Variants in ARID2 observed in about 807,000 individuals in gnomAD.
ARID2 encodes the protein AT-rich interaction domain 2.
In ARID2, 32 loss-of-function variants were observed where a neutral mutation model predicts 184.6. The observed-to-expected ratio is 0.17, with a 90% confidence interval of 0.13 to 0.23. ARID2 has a LOEUF of 0.23. ARID2 is among the 10% of genes least tolerant of loss of function. ARID2 has a pLI of 1.00. For synonymous variants in ARID2, 836 were observed against 772.6 expected, an observed-to-expected ratio of 1.08 and a Z score of -1.36; for missense variants, 1,696 against 2,197.6, an observed-to-expected ratio of 0.77 and a Z score of 4.56.
chr12:45,731,607 TGA>T (rs1310703303), intron 3 of ARID2, among the ~76,000 whole-genome samples: 1 of 152,142 alleles, frequency 6.6e-6, no homozygotes, highest in Non-Finnish European at 1.5e-5. Context: ...TGATACCCAC[TGA>T]GGGGCAGAAA....
chr12:45,765,062 T>C (rs971571886), intron 3 of ARID2, among the ~76,000 whole-genome samples: 1 of 152,228 alleles, frequency 6.6e-6, no homozygotes, highest in African/African-American at 2.4e-5. Context: ...TGTAATAATA[T>C]CTCATTGTTC....
intron 16 of ARID2, among the ~76,000 whole-genome samples, chr12:45,867,781 G>A (rs1460576004): frequency 1.3e-5 from 2 of 151,696 alleles, no homozygotes; most frequent in African/African-American, 2.4e-5. Context: ...TGTACAGATG[G>A]GGTCTTACTA....
At chr12:45,807,357 A>G (rs1394022856) in intron 3 of ARID2, among the ~76,000 whole-genome samples, 1 of 152,120 alleles carries the variant, frequency 6.6e-6, no homozygotes. Flanking sequence ...AGAATAGTCA[A>G]GAGTTTTCTT....
At chr12:45,862,125 TA>T (rs1943760227) in intron 16 of ARID2, among the ~76,000 whole-genome samples, 1 of 152,226 alleles carries the variant, frequency 6.6e-6, no homozygotes, top group Non-Finnish European at 1.5e-5. Flanking sequence ...GATCAAACTG[TA>T]ACTCTCAACC....
At chr12:45,814,187 A>G (rs1942763507) in intron 4 of ARID2, among the ~76,000 whole-genome samples, 1 of 152,162 alleles carries the variant, frequency 6.6e-6, no homozygotes, top group African/African-American at 2.4e-5. Flanking sequence ...GACTACAACA[A>G]TCACTGCCAA....
At chr12:45,876,748 G>A (rs1944015924) in intron 16 of ARID2, among the ~76,000 whole-genome samples, 2 of 151,054 alleles carry the variant, frequency 1.3e-5, no homozygotes, top group South Asian at 2.1e-4. Context: ...TAGAAAAATG[G>A]TGCTGATAGT....
At chr12:45,736,899 T>C (rs904079264) in intron 3 of ARID2, among the ~76,000 whole-genome samples, 4 of 152,206 alleles carry the variant, frequency 2.6e-5, no homozygotes, top group African/African-American at 7.2e-5. Context: ...CCATAGTAAA[T>C]AGTGTTTCAC....
intron 16 of ARID2, among the ~76,000 whole-genome samples, chr12:45,869,657 T>G (rs1360148885): frequency 6.6e-6 from 1 of 152,008 alleles, no homozygotes; most frequent in Non-Finnish European, 1.5e-5. Context: ...CCGAGGCAGA[T>G]GGATCACTTG....
At chr12:45,815,311 ATTTAT>A (rs1281244444) in intron 4 of ARID2, among the ~76,000 whole-genome samples, 1 of 152,204 alleles carries the variant, frequency 6.6e-6, no homozygotes, top group Non-Finnish European at 1.5e-5. Context: ...TTCTCCAGAT[ATTTAT>A]TTTATGTTAC....
chr12:45,793,227 G>A lies in ARID2; in HGVS notation c.285-18191G>A, dbSNP rs140085893. On this transcript the variant is annotated intron_variant, in intron 3 of 20. Transcript: ENST00000334344. ...AGACAAGAGAACCGCTTGAACCCCG[G>A]AAGCAGAGGTTGCAGGGAGCCAAGA... 2.7e-3 allele frequency among the ~76,000 whole-genome samples: 408 copies of A among 152,024 alleles called. 3 individuals carry two copies. Among genetic ancestry groups the A allele is most frequent in the African/African-American group, 8.0e-3 (331 of 41,460 alleles).
chr12:45,768,487 TC>T (rs1454221395), intron 3 of ARID2, among the ~76,000 whole-genome samples: 1 of 152,192 alleles, frequency 6.6e-6, no homozygotes, highest in East Asian at 1.9e-4. Flanking sequence ...GTTCCCCAGC[TC>T]CAGAGATAGA....
At chr12:45,736,046 A>G (rs575771026) in intron 3 of ARID2, among the ~76,000 whole-genome samples, 2 of 152,330 alleles carry the variant, frequency 1.3e-5, no homozygotes, top group Admixed American at 1.3e-4. Flanking sequence ...TGTGAAATCT[A>G]TAACGTCTTT....
Position 45,905,099 on chromosome 12 carries a change from G to A in ARID2, c.*21G>A, listed in dbSNP as rs369883199. 58 of 1,607,378 alleles carry A rather than the reference G, an allele frequency of 3.6e-5. No homozygotes were observed. The highest frequency in any genetic ancestry group is 5.4e-5 in the African/African-American group (4 of 74,562). ...AGTGAAAAATAATTCCACTTACACA[G>A]TGGGGGACTCAAAGTCAGCCACATT... On this transcript the variant is annotated 3_prime_UTR_variant, in exon 21 of 21. Transcript: ENST00000334344.
intron 14 of ARID2, 119 bp from the exon 15 acceptor site, chr12:45,849,917 A>G: frequency 7.0e-7 from 1 of 1,430,934 alleles, no homozygotes; most frequent in Non-Finnish European, 9.3e-7. Flanking sequence ...CCATATTCAT[A>G]TGATTCAAAA....
At chr12:45,876,307 T>C (rs1944007401) in intron 16 of ARID2, among the ~76,000 whole-genome samples, 1 of 152,128 alleles carries the variant, frequency 6.6e-6, no homozygotes, top group Non-Finnish European at 1.5e-5. Context: ...TCCCAGCACT[T>C]TGGGAGGCCG....
Position 45,906,804 on chromosome 12 carries a change from C to T in ARID2, c.*1726C>T, listed in dbSNP as rs1322981008. 1 of 231,834 alleles carries T rather than the reference C, an allele frequency of 4.3e-6. No individual in the cohort carries two copies. Among genetic ancestry groups the T allele is most frequent in the Non-Finnish European group, 8.5e-6 (1 of 117,360 alleles). 14.4% of individuals were successfully genotyped at this position (231,834 alleles called of 1,614,324 possible). On this transcript the variant is annotated 3_prime_UTR_variant, in exon 21 of 21. Transcript: ENST00000334344. ...CAGCAAATGATTGATGCAGTTAAAGCTCAATATGCCTTTTTTTACTGGATA... is the reference window on the plus strand; with the variant it reads ...CAGCAAATGATTGATGCAGTTAAAGTTCAATATGCCTTTTTTTACTGGATA...
In ARID2 at chr12:45,851,514, C is replaced by G. The variant is rs775722505; in HGVS notation, c.3391C>G (p.Pro1131Ala). Reference protein sequence around the residue: ...LVGQQNVQLVPSAMPPSGGVQ... With the variant: ...LVGQQNVQLVASAMPPSGGVQ... ...TGGGCAGCAAAATGTTCAGTTGGTC[C>G]CAAGTGCAATGCCACCCTCAGGGGG... The change falls in exon 15 of 21, where the codon CCA becomes GCA. Residue 1131 changes from proline to alanine, a missense_variant. Coordinates refer to ENST00000334344, the MANE Select transcript of ARID2 (RefSeq NM_152641.4). The G allele has an allele frequency of 6.2e-7, 1 of 1,614,108 alleles. No homozygotes were observed. The highest frequency in any genetic ancestry group is 1.7e-5 in the Admixed American group (1 of 60,026).
Position 45,771,352 on chromosome 12 carries a change from A to G in ARID2, c.284+40038A>G, listed in dbSNP as rs200292777. ...CACCTGGGCAACAGATTGAGAGTCC[A>G]TGTCAAAAAAAAAAAAAAAAAGCAA... On this transcript the variant is annotated intron_variant, in intron 3 of 20. Coordinates refer to ENST00000334344, the MANE Select transcript of ARID2 (RefSeq NM_152641.4). Among the ~76,000 whole-genome samples, 12 of 138,384 alleles carry G rather than the reference A, an allele frequency of 8.7e-5. No homozygotes were observed. The East Asian group carries it at 2.4e-3, about 28-fold the overall frequency. The allele number at this position is 138,384 out of a possible 152,430, so 90.8% of individuals were successfully genotyped here.
chr12:45,778,523 G>C (rs1019289404), intron 3 of ARID2, among the ~76,000 whole-genome samples: 1 of 152,062 alleles, frequency 6.6e-6, no homozygotes. Context: ...AGACTGCAGA[G>C]AGAGTAATAA....
Sources: allele counts gnomAD v4.1 joint callset (sites outside exome capture counted in the v4.1 genomes callset), GRCh38; gene constraint gnomAD v4.1.1; transcripts MANE v1.5; gene names NCBI Gene and HGNC (gene_info 2026-07-23, HGNC 2026-07-21).